The following AMMECR1L variants were observed in gnomAD, a reference collection of about 807,000 sequenced individuals.
AMMECR1L encodes the protein AMMECR1 like, also known as AMMECR1-like protein.
A neutral mutation model predicts 36.8 loss-of-function variants in AMMECR1L; 4 were observed. The ratio of observed to expected loss-of-function variants is 0.11; its 90% CI spans 0.05 to 0.25. The LOEUF is 0.25. Among genes scored for constraint, AMMECR1L ranks in the 10% least tolerant of loss-of-function variants. The pLI, the probability that AMMECR1L is intolerant of heterozygous loss-of-function variation, is 1.00. For synonymous variants in AMMECR1L, 147 were observed against 148.0 expected (o/e 0.99, Z 0.05); for missense variants, 232 against 392.1 (o/e 0.59, Z 3.45).
chr2:127,877,937 G>C (rs1294846658), intron 2 of AMMECR1L, among the ~76,000 whole-genome samples: 2 of 151,850 alleles, frequency 1.3e-5, no homozygotes, highest in African/African-American at 4.8e-5. Flanking sequence ...ACGCACCTAT[G>C]GTCCCAGCTA....
chr2:127,883,346 C>T (rs1354967115), intron 2 of AMMECR1L, among the ~76,000 whole-genome samples: 4 of 152,264 alleles, frequency 2.6e-5, no homozygotes, highest in African/African-American at 7.2e-5. Context: ...CCACCTGCCT[C>T]GGCCTCCCAA....
At chr2:127,882,443 G>T (rs537268737) in intron 2 of AMMECR1L, among the ~76,000 whole-genome samples, 1 of 152,030 alleles carries the variant, frequency 6.6e-6, no homozygotes, top group East Asian at 1.9e-4. Context: ...CCTACTTATG[G>T]AACTATTCCA....
At position 127,872,010 on chromosome 2, in the gene AMMECR1L, G is replaced by A. The variant is rs368248056; in HGVS notation, c.408-651C>T. On this transcript the variant is annotated intron_variant, in intron 3 of 7. Coordinates refer to ENST00000272647, the MANE Select transcript of AMMECR1L (RefSeq NM_001199140.2). ...TCTAGACCAGCCTGGTCATCATGGCGAAACCCCGCCTCTACTAGAAATATA... is the reference window on the plus strand; with the variant it reads ...TCTAGACCAGCCTGGTCATCATGGCAAAACCCCGCCTCTACTAGAAATATA... 8.1e-4 allele frequency among the ~76,000 whole-genome samples: 123 copies of A among 151,952 alleles called. 3 individuals carry two copies. The East Asian group carries it at 0.019, about 23-fold the overall frequency.
In AMMECR1L at chr2:127,865,179, C is replaced by G; in HGVS notation, c.848G>C (p.Ser283Thr). Reference sequence around the variant, plus strand: ...TCGGGAAGCAATATACTCTGCGTAACTGATTGTCACCTTCTCACTTCGGTA... The same window carrying G: ...TCGGGAAGCAATATACTCTGCGTAAGTGATTGTCACCTTCTCACTTCGGTA... ...TRYRSEKVTI[S>T]YAEYIASRQH... Residue 283 changes from serine (S) to threonine (T), a missense_variant, in exon 8 of 8, where the codon AGT becomes ACT. Coordinates refer to ENST00000272647, the MANE Select transcript of AMMECR1L (RefSeq NM_001199140.2). The surrounding 1 kb of genome is among the most constrained non-coding windows in gnomAD (Gnocchi z 5.4). 1.2e-6 allele frequency: 2 copies of G among 1,613,288 alleles called. No homozygotes were observed. The highest frequency in any genetic ancestry group is 1.7e-6 in the Non-Finnish European group (2 of 1,179,658).
chr2:127,882,999 C>T (rs1477085554), intron 2 of AMMECR1L, among the ~76,000 whole-genome samples: 2 of 151,572 alleles, frequency 1.3e-5, no homozygotes, highest in Non-Finnish European at 2.9e-5. Context: ...CCTGCCTCAG[C>T]TTCTCAAGTT....
At chr2:127,881,361 T>C (rs1352983394) in intron 2 of AMMECR1L, among the ~76,000 whole-genome samples, 1 of 150,234 alleles carries the variant, frequency 6.7e-6, no homozygotes, top group Non-Finnish European at 1.5e-5. Flanking sequence ...CCCCCACTCA[T>C]GTGTCTGGCT....
intron 3 of AMMECR1L, among the ~76,000 whole-genome samples, chr2:127,872,137 C>T (rs1320886426): frequency 4.0e-5 from 6 of 149,086 alleles, no homozygotes; most frequent in South Asian, 2.1e-4. Context: ...TGCAGTGAAC[C>T]GAGATTGTGC....
chr2:127,867,705 CA>C lies in AMMECR1L; in HGVS notation c.725-710del, dbSNP rs1302042622. 1.3e-5 allele frequency among the ~76,000 whole-genome samples: 2 copies of C among 152,008 alleles called. 1 individual carries two copies. Among genetic ancestry groups the C allele is most frequent in the Middle Eastern group, 6.3e-3 (2 of 316 alleles). ...AGACTGCAGTGAGCCAGGATCACAC[CA>C]CCGCACTCCAGCCTGGGTGACAGGA... On this transcript the variant is annotated intron_variant, in intron 6 of 7. Coordinates refer to ENST00000272647, the MANE Select transcript of AMMECR1L (RefSeq NM_001199140.2).
At chr2:127,870,738 G>C (rs552400960) in intron 5 of AMMECR1L, 76 bp downstream of exon 5, 1 of 1,103,100 alleles carries the variant, frequency 9.1e-7, no homozygotes, top group South Asian at 1.6e-5. Context: ...TCTCAATGAA[G>C]GAGATACATT....
chr2:127,885,728 C>G, intron 1 of AMMECR1L, 82 bp downstream of exon 1: 1 of 979,550 alleles, frequency 1.0e-6, no homozygotes, highest in Non-Finnish European at 1.2e-6. Flanking sequence ...GAGAACAGGC[C>G]CGGCGGGCAA....
At chr2:127,867,689 T>C (rs145350928) in intron 6 of AMMECR1L, among the ~76,000 whole-genome samples, 4 of 151,972 alleles carry the variant, frequency 2.6e-5, no homozygotes, top group Non-Finnish European at 4.4e-5. Flanking sequence ...AAGACTGCAG[T>C]GAGCCAGGAT....
At position 127,873,519 on chromosome 2, in the gene AMMECR1L, C is replaced by T; in HGVS notation, c.407+309G>A. 1 of 985,460 alleles carries T rather than the reference C, an allele frequency of 1.0e-6. No individual in the cohort carries two copies. Among genetic ancestry groups the T allele is most frequent in the South Asian group, 4.7e-5 (1 of 21,290 alleles). 61.0% of individuals were successfully genotyped at this position (985,460 alleles called of 1,614,324 possible). A position where few individuals can be genotyped will look rare whatever the true frequency, so the allele number is the denominator to read the frequency against. ...CCAATGGTATGGCGTGACTTCCCCACTTGAGAGGTTAAATGCCATACCCAC... is the reference window on the plus strand; with the variant it reads ...CCAATGGTATGGCGTGACTTCCCCATTTGAGAGGTTAAATGCCATACCCAC... On this transcript the variant is annotated intron_variant, in intron 3 of 7. Coordinates refer to ENST00000272647, the MANE Select transcript of AMMECR1L (RefSeq NM_001199140.2). The surrounding 1 kb of genome is among the most constrained non-coding windows in gnomAD (Gnocchi z 5.2).
rs1462342931 is a variant in AMMECR1L at position 127,865,532 on chromosome 2, T to G, written c.822-327A>C. On this transcript the variant is annotated intron_variant, in intron 7 of 7. Coordinates refer to ENST00000272647, the MANE Select transcript of AMMECR1L (RefSeq NM_001199140.2). This position sits in a 1 kb window ranked among gnomAD's most constrained non-coding sequence, Gnocchi z 5.4. The stretch of plus-strand genomic sequence containing the variant: ...ATGAAGAATTTCAAGGTCAAATTAC[T>G]CGGGTGGCAGATTGGAAGATGGCTG... Among the ~76,000 whole-genome samples, 1 of 152,104 alleles carries G rather than the reference T, an allele frequency of 6.6e-6. No individual in the cohort carries two copies. Among genetic ancestry groups the G allele is most frequent in the Non-Finnish European group, 1.5e-5 (1 of 68,024 alleles).
intron 2 of AMMECR1L, among the ~76,000 whole-genome samples, chr2:127,882,124 C>T (rs1691525066): frequency 6.6e-6 from 1 of 152,098 alleles, no homozygotes. Context: ...CACACAACCA[C>T]CAGATTAAAA....
intron 2 of AMMECR1L, among the ~76,000 whole-genome samples, chr2:127,883,620 A>G (rs1392303803): frequency 6.6e-6 from 1 of 152,158 alleles, no homozygotes; most frequent in Non-Finnish European, 1.5e-5. Flanking sequence ...CTCTCTCCTA[A>G]GTGTTAGCAT....
Position 127,862,601 on chromosome 2 carries a change from G to A in AMMECR1L, c.*2493C>T, listed in dbSNP as rs1424848835. 2.6e-5 allele frequency: 4 copies of A among 153,246 alleles called. No homozygotes were observed. The highest frequency in any genetic ancestry group is 5.9e-5 in the Non-Finnish European group (4 of 68,056). The allele number at this position is 153,246 out of a possible 1,614,324, so 9.5% of individuals were successfully genotyped here. On this transcript the variant is annotated 3_prime_UTR_variant, in exon 8 of 8. Transcript: ENST00000272647. Reference sequence around the variant, plus strand: ...TACTGACAATGCCCATTCCTCACGGGGCCAAATGGTTTCCCTTGGTCGACT... The same window carrying A: ...TACTGACAATGCCCATTCCTCACGGAGCCAAATGGTTTCCCTTGGTCGACT...
chr2:127,864,885 A>C lies in AMMECR1L; in HGVS notation c.*209T>G, dbSNP rs1573532650. ...GGAACCCCATATTGAGGAAAGGCTG[A>C]GATAAGGCTTGGGCCCCTCAAGTTC... On this transcript the variant is annotated 3_prime_UTR_variant, in exon 8 of 8. Transcript: ENST00000272647. 1 of 406,714 alleles carries C rather than the reference A, an allele frequency of 2.5e-6. No individual in the cohort carries two copies. Among genetic ancestry groups the C allele is most frequent in the East Asian group, 4.1e-5 (1 of 24,374 alleles). 25.2% of individuals were successfully genotyped at this position (406,714 alleles called of 1,614,324 possible).
rs1690969036 is a variant in AMMECR1L, at chr2:127,871,617, T to C, written c.408-258A>G. Among the ~76,000 whole-genome samples, 1 of 152,226 alleles carries C rather than the reference T, an allele frequency of 6.6e-6. No individual in the cohort carries two copies. The highest frequency in any genetic ancestry group is 6.5e-5 in the Admixed American group (1 of 15,292). On this transcript the variant is annotated intron_variant, in intron 3 of 7. Coordinates refer to ENST00000272647, the MANE Select transcript of AMMECR1L (RefSeq NM_001199140.2). The surrounding 1 kb of genome is among the most constrained non-coding windows in gnomAD (Gnocchi z 4.3). ...CCATGCTGACAGCTTTAATTCACTT[T>C]GCCGCCAAATTTACATGCTACTTTC...
rs553707602 is a variant in AMMECR1L at position 127,870,901 on chromosome 2, G to C, written c.546C>G (p.Pro182=). The C allele has an allele frequency of 2.8e-5, 45 of 1,613,598 alleles. No individual in the cohort carries two copies. The highest frequency in any genetic ancestry group is 1.6e-4 in the South Asian group (15 of 90,986). Residue 182 remains proline (P), a synonymous_variant, in exon 5 of 8, where the codon CCC becomes CCG. Coordinates refer to ENST00000272647, the MANE Select transcript of AMMECR1L (RefSeq NM_001199140.2). ...TSALKDSRFP[P]LTREELPKLF... ...GTTTAGGCAGCTCCTCTCGGGTCAG[G>C]GGGGGAAATCGGCTGTCCTTAAGTG... is the stretch of plus-strand genomic sequence containing the variant.
Sources: allele counts gnomAD v4.1 joint callset (sites outside exome capture counted in the v4.1 genomes callset), GRCh38; gene constraint gnomAD v4.1.1; non-coding constraint Gnocchi (gnomAD v3.1); transcripts MANE v1.5; gene names NCBI Gene and HGNC (gene_info 2026-07-23, HGNC 2026-07-21).